OLFM2: variants seen among roughly 807,000 people sequenced by gnomAD.
The protein encoded by OLFM2 is olfactomedin 2.
OLFM2 carries 20 observed loss-of-function variants against 43.9 expected under a neutral mutation model. The observed-to-expected ratio is 0.46, with a 90% CI of 0.32 to 0.66. OLFM2 has a LOEUF of 0.66. Ranked by LOEUF, OLFM2 falls within the 30% of genes least tolerant of loss-of-function variation. OLFM2 has a pLI of 0.04. For synonymous variants in OLFM2, 268 were observed against 278.6 expected, an observed-to-expected ratio of 0.96 and a Z score of 0.38; for missense variants, 416 against 643.6, an observed-to-expected ratio of 0.65 and a Z score of 3.83.
intron 1 of OLFM2, among the ~76,000 whole-genome samples, chr19:9,928,152 A>G (rs1041938387): frequency 2.6e-5 from 4 of 152,064 alleles, no homozygotes; most frequent in African/African-American, 9.7e-5. Context: ...TTGAGGCTAC[A>G]GTGGGCTGTG....
chr19:9,870,127 G>A (rs112198323), intron 1 of OLFM2, among the ~76,000 whole-genome samples: 4,553 of 151,900 alleles, frequency 0.03, 202 homozygotes, highest in African/African-American at 0.1. Context: ...GCAGCAGCAC[G>A]CTCACGGTTC....
At position 9,915,496 on chromosome 19, in the gene OLFM2, TTTTATTTA is replaced by T. The variant is rs60485300; in HGVS notation, c.63+20800_63+20807del. Among the ~76,000 whole-genome samples, 432 of 94,196 alleles carry T rather than the reference TTTTATTTA, an allele frequency of 4.6e-3. 4 individuals are homozygous for T. The highest frequency in any genetic ancestry group is 7.4e-3 in the African/African-American group (264 of 35,686). The allele number at this position is 94,196 out of a possible 152,430, so 61.8% of individuals were successfully genotyped here. ...ACAGAGTGATTGGAGAAAGGGACTTTTTTATTTATTTATTTATTTATTTATTTATTTAT... is the reference window on the plus strand; with the variant it reads ...ACAGAGTGATTGGAGAAAGGGACTTTTTTATTTATTTATTTATTTATTTAT... On this transcript the variant is annotated intron_variant, in intron 1 of 5. Transcript: ENST00000264833.
At chr19:9,908,338 C>T (rs950169569) in intron 1 of OLFM2, among the ~76,000 whole-genome samples, 1 of 151,716 alleles carries the variant, frequency 6.6e-6, no homozygotes, top group Non-Finnish European at 1.5e-5. Flanking sequence ...TGGAGTTTTG[C>T]TCTTGTCACC....
intron 1 of OLFM2, among the ~76,000 whole-genome samples, chr19:9,917,841 C>T (rs1221800002): frequency 6.6e-6 from 1 of 151,882 alleles, no homozygotes; most frequent in Non-Finnish European, 1.5e-5. Flanking sequence ...ATCTGAACAC[C>T]CCACCACTCT....
intron 1 of OLFM2, among the ~76,000 whole-genome samples, chr19:9,915,892 G>A (rs547749702): frequency 1.4e-3 from 214 of 152,334 alleles, no homozygotes; most frequent in South Asian, 2.7e-3. Context: ...AGAGTTCCAC[G>A]CAACAGGAAC....
intron 1 of OLFM2, among the ~76,000 whole-genome samples, chr19:9,895,560 C>G (rs912546876): frequency 6.6e-6 from 1 of 151,992 alleles, no homozygotes; most frequent in African/African-American, 2.4e-5. Context: ...AAAGTCTATT[C>G]GGTCTACCTC....
intron 1 of OLFM2, among the ~76,000 whole-genome samples, chr19:9,868,399 G>A (rs1044140913): frequency 6.6e-6 from 1 of 151,954 alleles, no homozygotes; most frequent in Non-Finnish European, 1.5e-5. Context: ...TAGAAACAGG[G>A]ACTAGCTATG....
chr19:9,936,392 A>T lies in OLFM2; in HGVS notation c.-26T>A. ...GACGCGCCCCTAGCCCGGCGTCCCG[A>T]CCCCCGCCCGCCCTAGCGGCGCCTC... On this transcript the variant is annotated 5_prime_UTR_variant, in exon 1 of 6. Transcript: ENST00000264833. 1 of 1,382,062 alleles carries T rather than the reference A, an allele frequency of 7.2e-7. No homozygotes were observed. The highest frequency in any genetic ancestry group is 9.4e-7 in the Non-Finnish European group (1 of 1,067,616). The allele number at this position is 1,382,062 out of a possible 1,614,324, so 85.6% of individuals were successfully genotyped here.
At chr19:9,908,009 A>G (rs1005716657) in intron 1 of OLFM2, among the ~76,000 whole-genome samples, 3 of 152,158 alleles carry the variant, frequency 2.0e-5, no homozygotes, top group Admixed American at 2.0e-4. Flanking sequence ...GATCTCAAAA[A>G]AAAATAAAAT....
chr19:9,913,637 CCGCGGCCGCCCGCCG>C (rs1416357542), intron 1 of OLFM2: 4 of 1,258,046 alleles, frequency 3.2e-6, no homozygotes, highest in South Asian at 2.0e-5. Flanking sequence ...GCCTCATGCC[CCGCGGCCGCCCGCCG>C]CGCGTCCCTT....
intron 1 of OLFM2, among the ~76,000 whole-genome samples, chr19:9,893,329 T>G (rs1310826465): frequency 1.3e-5 from 2 of 151,990 alleles, no homozygotes; most frequent in African/African-American, 4.8e-5. Context: ...CATGCCCAGC[T>G]AATTTTTGTA....
At chr19:9,898,071 A>ATT (rs35231898) in intron 1 of OLFM2, among the ~76,000 whole-genome samples, 71,921 of 127,634 alleles carry the variant, frequency 0.56, 24,510 homozygotes, top group Non-Finnish European at 0.75. Context: ...TGCCCAGCTA[A>ATT]TTTTTTTTTT....
intron 1 of OLFM2, among the ~76,000 whole-genome samples, chr19:9,861,654 A>G (rs1306444674): frequency 6.6e-6 from 1 of 152,270 alleles, no homozygotes; most frequent in African/African-American, 2.4e-5. Context: ...TCTGTGGTCA[A>G]ATAAATGTGT....
intron 1 of OLFM2, among the ~76,000 whole-genome samples, chr19:9,932,461 A>T (rs1443116100): frequency 6.6e-6 from 1 of 151,914 alleles, no homozygotes; most frequent in African/African-American, 2.4e-5. Context: ...TCTCAAAAAA[A>T]AAAAAAAAAA....
At chr19:9,862,423 G>A (rs1045953875) in intron 1 of OLFM2, among the ~76,000 whole-genome samples, 3 of 151,786 alleles carry the variant, frequency 2.0e-5, no homozygotes, top group Admixed American at 2.0e-4. Flanking sequence ...TGTAATCCCA[G>A]AATTTCAAGA....
At chr19:9,858,780 G>A (rs566018835) in intron 2 of OLFM2, among the ~76,000 whole-genome samples, 1 of 151,902 alleles carries the variant, frequency 6.6e-6, no homozygotes, top group Non-Finnish European at 1.5e-5. Context: ...TCTGGCTAAG[G>A]TAGCCACCTT....
intron 1 of OLFM2, among the ~76,000 whole-genome samples, chr19:9,872,821 TATTC>T (rs1253505514): frequency 4.7e-4 from 72 of 152,174 alleles, no homozygotes; most frequent in African/African-American, 1.6e-3. Context: ...CATTCACTCG[TATTC>T]ATTCATCCAA....
intron 1 of OLFM2, among the ~76,000 whole-genome samples, chr19:9,910,538 T>C (rs2046819294): frequency 1.3e-5 from 2 of 152,172 alleles, no homozygotes; most frequent in African/African-American, 4.8e-5. Flanking sequence ...TTGGGCAACA[T>C]GGTGAGACTC....
Position 9,857,018 on chromosome 19 carries a change from G to T in OLFM2, c.581-105C>A. On this transcript the variant is annotated intron_variant, in intron 4 of 5. Transcript: ENST00000264833. The surrounding 1 kb of genome is among the most constrained non-coding windows in gnomAD (Gnocchi z 5.7). ...TCAAGTTGGGAAAGCTGGGACCAGG[G>T]ATGAGGGAAGACTCAAAAATCTGGT... 1 of 1,015,040 alleles carries T rather than the reference G, an allele frequency of 9.9e-7. No homozygotes were observed. 62.9% of individuals were successfully genotyped at this position (1,015,040 alleles called of 1,614,324 possible). A position where few individuals can be genotyped will look rare whatever the true frequency, so the allele number is the denominator to read the frequency against.
Sources: gnomAD v4.1 joint callset for allele counts (sites outside exome capture counted in the v4.1 genomes callset) on GRCh38, gnomAD v4.1.1 for gene constraint, Gnocchi (gnomAD v3.1) non-coding constraint, MANE v1.5 for transcripts, NCBI Gene and HGNC (gene_info 2026-07-23, HGNC 2026-07-21) for gene names.